Variants in TATDN3 observed in about 807,000 individuals in gnomAD.
TATDN3 encodes deoxyribonuclease TATDN3.
In TATDN3, 29 loss-of-function variants were observed where a neutral mutation model predicts 40.1. The ratio of observed to expected loss-of-function variants is 0.72; its 90% CI spans 0.54 to 0.99. The LOEUF (loss-of-function observed/expected upper bound fraction) is 0.99. TATDN3 is among the 50% of genes least tolerant of loss of function. The pLI is 0.00. For synonymous variants in TATDN3, 105 were observed against 117.0 expected (o/e 0.90, Z 0.66); for missense variants, 309 against 321.9 (o/e 0.96, Z 0.31).
Position 212,815,137 on chromosome 1 carries a change from G to T in TATDN3, c.806G>T (p.Arg269Leu). 1 of 1,611,680 alleles carries T rather than the reference G, an allele frequency of 6.2e-7. No homozygotes were observed. The highest frequency in any genetic ancestry group is 8.5e-7 in the Non-Finnish European group (1 of 1,179,432). Residue 269 changes from arginine to leucine, a missense_variant, in exon 10 of 10, where the codon CGA (arginine) becomes CTA (leucine). By Grantham distance (102) the Arg-to-Leu change is moderately radical. Transcript: ENST00000366974. Reference sequence around the variant, plus strand: ...GCATTAAAACTGTTTCCTAAGCTCCGACACTTGCTCCAGAAATAGCTTCAA... The same window carrying T: ...GCATTAAAACTGTTTCCTAAGCTCCTACACTTGCTCCAGAAATAGCTTCAA... ...QNALKLFPKL[R>L]HLLQK
intron 7 of TATDN3, among the ~76,000 whole-genome samples, chr1:212,806,783 T>TATATATATATATATATATATAC (rs796710955): frequency 2.5e-5 from 2 of 79,520 alleles, no homozygotes; most frequent in Admixed American, 1.8e-4. Context: ...TATATATATA[T>TATATATATATATATATATATAC]ACACACACAC....
In TATDN3 at chr1:212,815,361, T is replaced by G; in HGVS notation, c.*205T>G. ...TCTGATTCTAGCCTTGTGCTGCTTT[T>G]CAATTAGCCGAGTTCTGGCAGGATA... On this transcript the variant is annotated 3_prime_UTR_variant, in exon 10 of 10. Coordinates refer to ENST00000366974, the MANE Select transcript of TATDN3 (RefSeq NM_001042552.3). 1 of 526,670 alleles carries G rather than the reference T, an allele frequency of 1.9e-6. No homozygotes were observed. Among genetic ancestry groups the G allele is most frequent in the South Asian group, 3.1e-5 (1 of 32,020 alleles). 32.6% of individuals were successfully genotyped at this position (526,670 alleles called of 1,614,324 possible).
intron 8 of TATDN3, among the ~76,000 whole-genome samples, chr1:212,809,535 T>C (rs1402523801): frequency 6.6e-6 from 1 of 151,720 alleles, no homozygotes; most frequent in Non-Finnish European, 1.5e-5. Context: ...ATACAAAAAA[T>C]TAGCCAGGCA....
chr1:212,806,742 CTCTCCATAT>C, intron 7 of TATDN3, among the ~76,000 whole-genome samples: 1 of 86,204 alleles, frequency 1.2e-5, no homozygotes, highest in Non-Finnish European at 2.1e-5. Flanking sequence ...CTCTCTCTCT[CTCTCCATAT>C]ATATATATAT....
chr1:212,807,291 T>C (rs1662601433), intron 7 of TATDN3, among the ~76,000 whole-genome samples: 1 of 152,098 alleles, frequency 6.6e-6, no homozygotes, highest in African/African-American at 2.4e-5. Context: ...CTCACTCCGA[T>C]GCCCAGCCTA....
At chr1:212,805,977 A>G (rs750862035) in intron 7 of TATDN3, among the ~76,000 whole-genome samples, 4 of 152,208 alleles carry the variant, frequency 2.6e-5, no homozygotes, top group Non-Finnish European at 5.9e-5. Flanking sequence ...ATGAAACTAA[A>G]CTAAGTTGGT....
At chr1:212,802,452 T>C (rs1662225862) in intron 4 of TATDN3, among the ~76,000 whole-genome samples, 1 of 152,118 alleles carries the variant, frequency 6.6e-6, no homozygotes, top group Non-Finnish European at 1.5e-5. Flanking sequence ...GAAGGCCATG[T>C]TTAAGTGGCG....
In TATDN3 at chr1:212,815,029, G is replaced by A. The variant is rs746003388; in HGVS notation, c.698G>A (p.Trp233Ter). The A allele has an allele frequency of 6.2e-7, 1 of 1,613,508 alleles. No homozygotes were observed. The highest frequency in any genetic ancestry group is 2.2e-5 in the East Asian group (1 of 44,858). Residue 233 changes from tryptophan (W) to a stop codon, truncating the protein, a stop_gained, in exon 10 of 10, where the codon TGG becomes TAG. Coordinates refer to ENST00000366974, the MANE Select transcript of TATDN3 (RefSeq NM_001042552.3). LOFTEE classifies it high-confidence loss of function. ...TTGTTTCAGGTACGGAATGAGCCCTGGAACATTTCTATTTCAGCAGAATAT... is the reference window on the plus strand; with the variant it reads ...TTGTTTCAGGTACGGAATGAGCCCTAGAACATTTCTATTTCAGCAGAATAT... The part of the protein sequence containing the change: ...GPEKQVRNEP[W>*]NISISAEYIA...
At chr1:212,800,222 G>A (rs1362927194) in intron 4 of TATDN3, among the ~76,000 whole-genome samples, 1 of 152,166 alleles carries the variant, frequency 6.6e-6, no homozygotes, top group Non-Finnish European at 1.5e-5. Flanking sequence ...ACAATGAACT[G>A]TGGTGAACAA....
rs1420342213 is a variant in TATDN3, at chr1:212,804,411, A to C, written c.413A>C (p.Lys138Thr). ...QVLIRQIQLAKRLNLPVNVHS... is the reference protein window; with the variant it reads ...QVLIRQIQLATRLNLPVNVHS... ...CTAATCAGACAGATCCAGTTAGCCA[A>C]AAGACTAAATTTGCCTGTGTAGGTT... The change falls in exon 6 of 10, where the codon AAA becomes ACA. Residue 138 changes from lysine (K) to threonine (T), a missense_variant. Physicochemically the swap from Lys to Thr is moderately conservative, Grantham distance 78 (BLOSUM62 -1). Coordinates refer to ENST00000366974, the MANE Select transcript of TATDN3 (RefSeq NM_001042552.3). 6.2e-7 allele frequency: 1 copy of C among 1,614,004 alleles called. No homozygotes were observed. Among genetic ancestry groups the C allele is most frequent in the Non-Finnish European group, 8.5e-7 (1 of 1,179,902 alleles).
At chr1:212,802,556 G>A in intron 4 of TATDN3, 145 bp from the exon 5 acceptor site, 1 of 619,116 alleles carries the variant, frequency 1.6e-6, no homozygotes, top group Non-Finnish European at 2.9e-6. Flanking sequence ...ATTTTAGAAG[G>A]ATTACTATTG....
chr1:212,797,028 GCCCGA>G, intron 3 of TATDN3, 79 bp from the exon 4 acceptor site: 1 of 1,050,076 alleles, frequency 9.5e-7, no homozygotes, highest in Non-Finnish European at 1.5e-6. Flanking sequence ...AAGCCACCAT[GCCCGA>G]CCTCTACTTA....
intron 4 of TATDN3, 67 bp downstream of exon 4, chr1:212,797,263 C>T (rs909053381): frequency 8.9e-7 from 1 of 1,127,702 alleles, no homozygotes; most frequent in African/African-American, 1.5e-5. Context: ...ACTCAGTAAT[C>T]CTCCTCTTTC....
At position 212,815,275 on chromosome 1, in the gene TATDN3, T is replaced by C; in HGVS notation, c.*119T>C. The C allele has an allele frequency of 8.7e-7, 1 of 1,151,872 alleles. No individual in the cohort carries two copies. The highest frequency in any genetic ancestry group is 1.2e-6 in the Non-Finnish European group (1 of 860,424). 71.4% of individuals were successfully genotyped at this position (1,151,872 alleles called of 1,614,324 possible). ...TGTTTTATAGGGTTATAGAAGATTG[T>C]AATTGTAGAGAAATATTTCTCTTAG... On this transcript the variant is annotated 3_prime_UTR_variant, in exon 10 of 10. Coordinates refer to ENST00000366974, the MANE Select transcript of TATDN3 (RefSeq NM_001042552.3).
At chr1:212,797,244 A>G in intron 4 of TATDN3, 48 bp downstream of exon 4, 1 of 1,424,264 alleles carries the variant, frequency 7.0e-7, no homozygotes, top group Non-Finnish European at 9.9e-7. Flanking sequence ...CAAACGAAAG[A>G]ATTATTTGAC....
At chr1:212,804,226 CATT>C (rs1662326719) in intron 5 of TATDN3, 91 bp from the exon 6 acceptor site, 2 of 796,692 alleles carry the variant, frequency 2.5e-6, no homozygotes, top group Admixed American at 2.9e-5. Context: ...TTGTGCCTCA[CATT>C]ATATATTTCT....
intron 4 of TATDN3, among the ~76,000 whole-genome samples, chr1:212,799,334 G>A (rs1662025275): frequency 2.0e-5 from 3 of 152,168 alleles, no homozygotes; most frequent in Admixed American, 6.5e-5. Flanking sequence ...CCTTGGCTAA[G>A]GTATGAAGAG....
intron 7 of TATDN3, among the ~76,000 whole-genome samples, chr1:212,806,783 TACACACACACAC>T (rs1553257532): frequency 3.3e-4 from 26 of 79,462 alleles, no homozygotes; most frequent in Non-Finnish European, 3.9e-4. Context: ...TATATATATA[TACACACACACAC>T]ACACATATAT....
intron 9 of TATDN3, among the ~76,000 whole-genome samples, chr1:212,813,492 A>G (rs573789456): frequency 5.9e-5 from 9 of 151,606 alleles, no homozygotes; most frequent in African/African-American, 2.2e-4. Flanking sequence ...AGAAACTATG[A>G]TTATATGTGA....
Sources: gnomAD v4.1 joint callset for allele counts (sites outside exome capture counted in the v4.1 genomes callset) on GRCh38, gnomAD v4.1.1 for gene constraint, MANE v1.5 for transcripts, NCBI Gene and HGNC (gene_info 2026-07-23, HGNC 2026-07-21) for gene names.